Variants in CASZ1 observed in about 807,000 individuals in gnomAD.
CASZ1 encodes the protein castor zinc finger 1.
In CASZ1, 28 loss-of-function variants were observed where a neutral mutation model predicts 135.2. The observed-to-expected ratio is 0.21, with a 90% CI of 0.15 to 0.28. The LOEUF (loss-of-function observed/expected upper bound fraction) is 0.28. Ranked by LOEUF, CASZ1 falls within the 10% of genes least tolerant of loss-of-function variation. CASZ1 has a pLI of 1.00. For missense variants in CASZ1, 2,161 were observed against 2,453.3 expected, an observed-to-expected ratio of 0.88 and a Z score of 2.52; for synonymous variants, 1,068 against 1,073.4, an observed-to-expected ratio of 0.99 and a Z score of 0.10.
intron 6 of CASZ1, 82 bp from the exon 7 acceptor site, chr1:10,658,658 C>G (rs1642892166): frequency 1.6e-6 from 2 of 1,219,818 alleles, no homozygotes. Context: ...GCAGCCCCTG[C>G]CCTGAGGCCC....
intron 2 of CASZ1, among the ~76,000 whole-genome samples, chr1:10,749,725 G>A (rs980414724): frequency 4.6e-5 from 7 of 152,118 alleles, no homozygotes; most frequent in Non-Finnish European, 7.3e-5. Context: ...CAGCCAATTC[G>A]GCTGGGGAGC....
chr1:10,641,884 C>T (rs191043112), intron 20 of CASZ1, among the ~76,000 whole-genome samples: 88 of 152,198 alleles, frequency 5.8e-4, no homozygotes, highest in African/African-American at 2.0e-3. Context: ...TCTCTAGTCT[C>T]GGGGATGCTT....
intron 2 of CASZ1, among the ~76,000 whole-genome samples, chr1:10,731,625 G>A (rs900141835): frequency 6.6e-6 from 1 of 152,104 alleles, no homozygotes; most frequent in Non-Finnish European, 1.5e-5. Context: ...AAAACGAAGT[G>A]CTTATAGATC....
chr1:10,723,063 G>A lies in CASZ1; in HGVS notation c.-76-17519C>T, dbSNP rs76973929. Among the ~76,000 whole-genome samples, 1,149 of 152,348 alleles carry A rather than the reference G, an allele frequency of 7.5e-3. 14 individuals carry two copies. The highest frequency in any genetic ancestry group is 0.024 in the African/African-American group (1,018 of 41,582). ...GTGCGTGGGTGCAGACGGGAGGTGCGCATCATGGCGCCAGGAGCCAGAGGA... is the reference window on the plus strand; with the variant it reads ...GTGCGTGGGTGCAGACGGGAGGTGCACATCATGGCGCCAGGAGCCAGAGGA... On this transcript the variant is annotated intron_variant, in intron 2 of 20. Coordinates refer to ENST00000377022, the MANE Select transcript of CASZ1 (RefSeq NM_001079843.3).
At chr1:10,714,263 G>C (rs926864687) in intron 2 of CASZ1, among the ~76,000 whole-genome samples, 2 of 152,104 alleles carry the variant, frequency 1.3e-5, no homozygotes, top group African/African-American at 4.8e-5. Context: ...AGCCGAGATC[G>C]TGCCACTGCA....
chr1:10,643,031 G>A, intron 19 of CASZ1, 31 bp from the exon 20 acceptor site: 1 of 1,606,596 alleles, frequency 6.2e-7, no homozygotes, highest in Non-Finnish European at 8.5e-7. Flanking sequence ...CTGAGGAAGT[G>A]GGGCTGTGGG....
rs914861190 is a variant in CASZ1 at position 10,646,464 on chromosome 1, G to A, written c.3498-138C>T. ...GAGGGATGGCCTGGGCTGCTGTCCT[G>A]CTCAACAGGATGACTCAGCTGGAGA... On this transcript the variant is annotated intron_variant, in intron 16 of 20. Coordinates refer to ENST00000377022, the MANE Select transcript of CASZ1 (RefSeq NM_001079843.3). This position sits in a 1 kb window ranked among gnomAD's most constrained non-coding sequence, Gnocchi z 6.4. The A allele has an allele frequency of 9.1e-6, 7 of 767,490 alleles. No individual in the cohort carries two copies. In the East Asian group the frequency reaches 1.3e-4, roughly 15 times the overall value. The allele number at this position is 767,490 out of a possible 1,614,324, so 47.5% of individuals were successfully genotyped here.
chr1:10,763,100 A>C (rs1640409580), intron 1 of CASZ1, among the ~76,000 whole-genome samples: 1 of 152,170 alleles, frequency 6.6e-6, no homozygotes, highest in South Asian at 2.1e-4. Flanking sequence ...TCCCCAACCA[A>C]GTGGCCTGAC....
At chr1:10,650,877 C>G in intron 12 of CASZ1, 64 bp downstream of exon 12, 1 of 1,605,290 alleles carries the variant, frequency 6.2e-7, no homozygotes, top group Non-Finnish European at 8.5e-7. Flanking sequence ...GGCGGGACCA[C>G]CCCGGGGCTC....
chr1:10,733,716 C>T (rs563453758), intron 2 of CASZ1, among the ~76,000 whole-genome samples: 13 of 152,114 alleles, frequency 8.5e-5, no homozygotes, highest in Non-Finnish European at 1.9e-4. Context: ...GGAAGATGAG[C>T]TCAGAGGAAC....
chr1:10,759,302 G>A lies in CASZ1; in HGVS notation c.-77+1399C>T, dbSNP rs994048829. Among the ~76,000 whole-genome samples, 1 of 152,190 alleles carries A rather than the reference G, an allele frequency of 6.6e-6. No homozygotes were observed. Among genetic ancestry groups the A allele is most frequent in the African/African-American group, 2.4e-5 (1 of 41,442 alleles). On this transcript the variant is annotated intron_variant, in intron 2 of 20. Coordinates refer to ENST00000377022, the MANE Select transcript of CASZ1 (RefSeq NM_001079843.3). This position sits in a 1 kb window ranked among gnomAD's most constrained non-coding sequence, Gnocchi z 4.2. ...AGAATAGCCCGGGAAGGTGGCAGAGGTGCAGGTGCTAACGCCAAGCCCAGA... is the reference window on the plus strand; with the variant it reads ...AGAATAGCCCGGGAAGGTGGCAGAGATGCAGGTGCTAACGCCAAGCCCAGA...
chr1:10,795,679 GTGT>G (rs1309866220), intron 1 of CASZ1, among the ~76,000 whole-genome samples: 1 of 152,232 alleles, frequency 6.6e-6, no homozygotes, highest in East Asian at 1.9e-4. Flanking sequence ...CCCGTGCCCT[GTGT>G]TGCCAGCCCT....
At chr1:10,780,325 G>C (rs963861650) in intron 1 of CASZ1, among the ~76,000 whole-genome samples, 1 of 152,190 alleles carries the variant, frequency 6.6e-6, no homozygotes, top group Non-Finnish European at 1.5e-5. Flanking sequence ...CTGAGCAAAA[G>C]CTACCCAGGA....
intron 2 of CASZ1, among the ~76,000 whole-genome samples, chr1:10,733,096 T>A (rs1639731828): frequency 6.6e-6 from 1 of 152,002 alleles, no homozygotes. Flanking sequence ...AAATCATCAC[T>A]GAGAGGGGAA....
At chr1:10,655,211 CG>C (rs1397825312) in intron 9 of CASZ1, among the ~76,000 whole-genome samples, 3 of 152,176 alleles carry the variant, frequency 2.0e-5, no homozygotes, top group Non-Finnish European at 4.4e-5. Context: ...TGACAAATAC[CG>C]GGGGAGGCAT....
rs953827334 is a variant in CASZ1 at position 10,777,517 on chromosome 1, T to A, written c.-233-16660A>T. Among the ~76,000 whole-genome samples the A allele has an allele frequency of 6.6e-6, 1 of 152,140 alleles. No homozygotes were observed. The highest frequency in any genetic ancestry group is 1.9e-4 in the East Asian group (1 of 5,196). Reference sequence around the variant, plus strand: ...GGTAGGCCTGGGGCAGGGGACCAAGTGATACGCGAAAAACAGACGGAAGAC... The same window carrying A: ...GGTAGGCCTGGGGCAGGGGACCAAGAGATACGCGAAAAACAGACGGAAGAC... On this transcript the variant is annotated intron_variant, in intron 1 of 20. Transcript: ENST00000377022. This position sits in a 1 kb window ranked among gnomAD's most constrained non-coding sequence, Gnocchi z 4.4.
rs1371908100 is a variant in CASZ1, at chr1:10,739,109, G to GA, written c.-77+21591dup. ...TTTGCTGGGGGTCCGGGGGAAGAAG[G>GA]AAAAAAAGCAACAACAATAACGAGA... is the stretch of plus-strand genomic sequence containing the variant. On this transcript the variant is annotated intron_variant, in intron 2 of 20. Transcript: ENST00000377022. This position sits in a 1 kb window ranked among gnomAD's most constrained non-coding sequence, Gnocchi z 4.8. Among the ~76,000 whole-genome samples, 6 of 151,634 alleles carry GA rather than the reference G, an allele frequency of 4.0e-5. No homozygotes were observed. In the East Asian group the frequency reaches 5.8e-4, roughly 15 times the overall value.
chr1:10,647,333 G>T lies in CASZ1; in HGVS notation c.3497+468C>A, dbSNP rs952891464. ...AGTGAGGAGGGTCCCTTCCACCCAA[G>T]AGCTCAGACCACTGTGCAGGCCAGT... On this transcript the variant is annotated intron_variant, in intron 16 of 20. Coordinates refer to ENST00000377022, the MANE Select transcript of CASZ1 (RefSeq NM_001079843.3). The surrounding 1 kb of genome is among the most constrained non-coding windows in gnomAD (Gnocchi z 4.9). 3.0e-6 allele frequency: 3 copies of T among 1,008,904 alleles called. No homozygotes were observed. The Admixed American group carries it at 1.5e-4, about 51-fold the overall frequency. 62.5% of individuals were successfully genotyped at this position (1,008,904 alleles called of 1,614,324 possible). A position where few individuals can be genotyped will look rare whatever the true frequency, so the allele number is the denominator to read the frequency against.
chr1:10,714,144 G>A (rs942387140), intron 2 of CASZ1, among the ~76,000 whole-genome samples: 5 of 151,940 alleles, frequency 3.3e-5, no homozygotes, highest in Non-Finnish European at 7.4e-5. Context: ...CCGTCTCTAT[G>A]AAAAATACAA....
Sources: gnomAD v4.1 joint callset for allele counts (sites outside exome capture counted in the v4.1 genomes callset) on GRCh38, gnomAD v4.1.1 for gene constraint, Gnocchi (gnomAD v3.1) non-coding constraint, MANE v1.5 for transcripts, NCBI Gene and HGNC (gene_info 2026-07-23, HGNC 2026-07-21) for gene names.